ADRA1B: variants seen among roughly 807,000 people sequenced by gnomAD.
ADRA1B encodes the protein alpha-1B adrenergic receptor.
Under a neutral mutation model 17.9 loss-of-function variants are expected in ADRA1B, and 17 were observed. That is an observed-to-expected ratio of 0.95 (90% CI 0.65 to 1.42). The LOEUF is 1.42. Among genes scored for constraint, ADRA1B ranks in the 40% most tolerant of loss-of-function variants. The pLI, the probability that ADRA1B is intolerant of heterozygous loss-of-function variation, is 0.00. For synonymous variants in ADRA1B, 366 were observed against 327.6 expected (o/e 1.12, Z -1.27); for missense variants, 681 against 722.1 (o/e 0.94, Z 0.65).
chr5:159,973,528 G>C (rs577643774), downstream of ADRA1B, among the ~76,000 whole-genome samples: 19 of 152,236 alleles, frequency 1.2e-4, no homozygotes, highest in Admixed American at 9.8e-4. Context: ...TCCACTGATT[G>C]TTTGCCTGTG....
chr5:159,900,104 C>A (rs1337491860), intron 1 of ADRA1B, among the ~76,000 whole-genome samples: 2 of 152,192 alleles, frequency 1.3e-5, no homozygotes, highest in Non-Finnish European at 2.9e-5. Flanking sequence ...GCCAGCCTGA[C>A]CTTCTGCCAG....
At chr5:159,930,983 T>C (rs1754787355) in intron 1 of ADRA1B, among the ~76,000 whole-genome samples, 1 of 147,636 alleles carries the variant, frequency 6.8e-6, no homozygotes, top group African/African-American at 2.5e-5. Flanking sequence ...ATTTAACATA[T>C]ATATAATATA....
At chr5:159,963,306 A>ATAGATATATATATATATATATATATATC (rs1755713117) in intron 1 of ADRA1B, among the ~76,000 whole-genome samples, 1 of 150,080 alleles carries the variant, frequency 6.7e-6, no homozygotes, top group African/African-American at 2.5e-5. Flanking sequence ...ATATATATAT[A>ATAGATATATATATATATATATATATATC]TATCCACACA....
intron 1 of ADRA1B, among the ~76,000 whole-genome samples, chr5:159,905,011 G>T (rs1297490228): frequency 1.3e-5 from 2 of 152,214 alleles, no homozygotes; most frequent in African/African-American, 4.8e-5. Flanking sequence ...AGGAAGAGGA[G>T]CCAACAGATC....
intron 1 of ADRA1B, among the ~76,000 whole-genome samples, chr5:159,962,295 C>T (rs1040317350): frequency 7.2e-4 from 109 of 152,272 alleles, no homozygotes; most frequent in Non-Finnish European, 1.4e-3. Flanking sequence ...CAGGAACTAA[C>T]GAGGGGGCTG....
chr5:159,877,232 C>T (rs987200329), intron 1 of ADRA1B, among the ~76,000 whole-genome samples: 1 of 152,144 alleles, frequency 6.6e-6, no homozygotes, highest in Non-Finnish European at 1.5e-5. Context: ...CCCTGTGTCT[C>T]CCCTCCACCC....
chr5:159,959,239 A>G (rs1755621295), intron 1 of ADRA1B, among the ~76,000 whole-genome samples: 1 of 152,222 alleles, frequency 6.6e-6, no homozygotes, highest in African/African-American at 2.4e-5. Context: ...TTTTGGGAGG[A>G]GATGAAAACC....
At chr5:159,940,858 T>G (rs7718362) in intron 1 of ADRA1B, among the ~76,000 whole-genome samples, 6,988 of 152,296 alleles carry the variant, frequency 0.046, 305 homozygotes, top group East Asian at 0.22. Flanking sequence ...GACAGTTCTT[T>G]AAACTGGTGA....
chr5:159,919,355 C>T (rs78464698), intron 1 of ADRA1B, among the ~76,000 whole-genome samples: 3,995 of 152,242 alleles, frequency 0.026, 79 homozygotes, highest in Non-Finnish European at 0.036. Flanking sequence ...GTTCACACTG[C>T]ATTGGGTCAT....
the ADRA1B span, among the ~76,000 whole-genome samples, chr5:159,984,609 T>C: frequency 6.6e-6 from 1 of 152,010 alleles, no homozygotes. Context: ...CTTTGAAAAG[T>C]AAATGAGGCC....
intron 1 of ADRA1B, among the ~76,000 whole-genome samples, chr5:159,952,209 G>A (rs967105036): frequency 1.3e-5 from 2 of 152,002 alleles, no homozygotes; most frequent in African/African-American, 2.4e-5. Context: ...GCCTAAAACC[G>A]TAGATAGTAC....
At chr5:159,966,253 ATTAT>A (rs1156321777) in intron 1 of ADRA1B, among the ~76,000 whole-genome samples, 2 of 152,234 alleles carry the variant, frequency 1.3e-5, no homozygotes, top group Non-Finnish European at 2.9e-5. Context: ...GACAATAATT[ATTAT>A]TTAGTTAATT....
intron 1 of ADRA1B, among the ~76,000 whole-genome samples, chr5:159,909,557 T>A (rs1221688442): frequency 6.6e-6 from 1 of 152,246 alleles, no homozygotes; most frequent in Non-Finnish European, 1.5e-5. Context: ...TTGTGTCATG[T>A]ATTTATTTCC....
At chr5:159,876,188 AAAAACAAAAC>A (rs537692618) in intron 1 of ADRA1B, among the ~76,000 whole-genome samples, 1 of 152,222 alleles carries the variant, frequency 6.6e-6, no homozygotes, top group Non-Finnish European at 1.5e-5. Flanking sequence ...ACTCTGTCTC[AAAAACAAAAC>A]AAAACAAAAC....
At chr5:159,967,973 A>C (rs188536857) in intron 1 of ADRA1B, among the ~76,000 whole-genome samples, 19 of 152,310 alleles carry the variant, frequency 1.2e-4, no homozygotes, top group African/African-American at 4.6e-4. Context: ...ATAGGGGGAA[A>C]GTAAAATTTA....
chr5:159,937,447 G>GC (rs2113218026), intron 1 of ADRA1B, among the ~76,000 whole-genome samples: 1 of 145,978 alleles, frequency 6.9e-6, no homozygotes, highest in African/African-American at 2.5e-5. Context: ...TTGTTTTTTT[G>GC]TTTTTTTTTT....
At chr5:159,905,517 ACTCAT>A (rs1417432788) in intron 1 of ADRA1B, among the ~76,000 whole-genome samples, 4 of 152,246 alleles carry the variant, frequency 2.6e-5, no homozygotes. Flanking sequence ...TCATTCACTC[ACTCAT>A]CTAATAAATA....
intron 1 of ADRA1B, among the ~76,000 whole-genome samples, chr5:159,947,438 C>G (rs72810109): frequency 0.048 from 7,305 of 152,260 alleles, 232 homozygotes; most frequent in East Asian, 0.13. Context: ...GAGCTTGCAA[C>G]TAGCTCTGTC....
At chr5:159,985,077 G>A in the ADRA1B span, among the ~76,000 whole-genome samples, 1 of 151,810 alleles carries the variant, frequency 6.6e-6, no homozygotes, top group Admixed American at 6.6e-5. Context: ...AGCCACATGG[G>A]TCCCCTTAAT....
Sources: gnomAD v4.1 joint callset for allele counts (sites outside exome capture counted in the v4.1 genomes callset) on GRCh38, gnomAD v4.1.1 for gene constraint, MANE v1.5 for transcripts, NCBI Gene and HGNC (gene_info 2026-07-23, HGNC 2026-07-21) for gene names.